Variants in TSHZ3 observed in about 807,000 individuals in gnomAD.
The protein encoded by TSHZ3 is teashirt homolog 3.
A neutral mutation model predicts 64.5 loss-of-function variants in TSHZ3; 10 were observed. That is an observed-to-expected ratio of 0.16 (90% CI 0.10 to 0.26). The LOEUF is 0.26. Ranked by LOEUF, TSHZ3 falls within the 10% of genes least tolerant of loss-of-function variation. TSHZ3 has a pLI of 1.00. For synonymous variants in TSHZ3, 608 were observed against 593.1 expected (o/e 1.03, Z -0.36); for missense variants, 1,242 against 1,421.7 (o/e 0.87, Z 2.03).
At chr19:31,320,347 T>C (rs147297864) in intron 1 of TSHZ3, among the ~76,000 whole-genome samples, 23 of 152,322 alleles carry the variant, frequency 1.5e-4, no homozygotes, top group African/African-American at 5.3e-4. Context: ...TATCTACCCA[T>C]ATAATATCAC....
chr19:31,345,386 G>A (rs972243725), intron 1 of TSHZ3, among the ~76,000 whole-genome samples: 4 of 152,166 alleles, frequency 2.6e-5, no homozygotes, highest in South Asian at 2.1e-4. Context: ...GGAGCTGCCC[G>A]ATGTGTGGAC....
chr19:31,336,805 T>C (rs1917258618), intron 1 of TSHZ3, among the ~76,000 whole-genome samples: 1 of 152,192 alleles, frequency 6.6e-6, no homozygotes, highest in African/African-American at 2.4e-5. Context: ...GTTAGAACTT[T>C]GTGTCAAGCC....
intron 1 of TSHZ3, among the ~76,000 whole-genome samples, chr19:31,335,946 G>A (rs1234650552): frequency 2.5e-4 from 38 of 152,206 alleles, no homozygotes; most frequent in Admixed American, 2.5e-3. Context: ...GAGGGAGTCA[G>A]GGACGGAGTC....
Position 31,277,831 on chromosome 19 carries a change from G to T in TSHZ3, c.1962C>A (p.Ile654=), listed in dbSNP as rs1370806640. 1.3e-6 allele frequency: 2 copies of T among 1,573,566 alleles called. No homozygotes were observed. Among genetic ancestry groups the T allele is most frequent in the Admixed American group, 1.8e-5 (1 of 54,674 alleles). ...CCCCATCGCTGGATGCCTCCATCTT[G>T]ATGGGTTCCCCGACTTCGCTGCTAC... ...SPCSSEVGEP[I]KMEASSDGGF... The change falls in exon 2 of 2, where the codon ATC becomes ATA. Residue 654 remains isoleucine (I), a synonymous_variant. Coordinates refer to ENST00000240587, the MANE Select transcript of TSHZ3 (RefSeq NM_020856.4). The surrounding 1 kb of genome is among the most constrained non-coding windows in gnomAD (Gnocchi z 4.5).
chr19:31,350,014 G>A (rs1339306048), upstream of TSHZ3, among the ~76,000 whole-genome samples: 5 of 130,364 alleles, frequency 3.8e-5, no homozygotes, highest in Non-Finnish European at 8.0e-5. Flanking sequence ...CGCCAGCCCC[G>A]CCGAGCCCGT....
chr19:31,201,150 C>G (rs1429795938), intron 5 of TSHZ3, among the ~76,000 whole-genome samples: 1 of 152,136 alleles, frequency 6.6e-6, no homozygotes, highest in African/African-American at 2.4e-5. Flanking sequence ...CATTTCAAGA[C>G]AGTAGGTAAC....
At chr19:31,194,966 G>A (rs1974963121) in intron 5 of TSHZ3, among the ~76,000 whole-genome samples, 1 of 152,114 alleles carries the variant, frequency 6.6e-6, no homozygotes, top group Non-Finnish European at 1.5e-5. Context: ...TGGGCTTGTA[G>A]TAAATTGGAC....
intron 1 of TSHZ3, among the ~76,000 whole-genome samples, chr19:31,325,164 GA>G (rs1916897670): frequency 6.6e-6 from 1 of 152,178 alleles, no homozygotes; most frequent in South Asian, 2.1e-4. Flanking sequence ...CTCTCTGAGC[GA>G]CCTCAGGTAA....
intron 1 of TSHZ3, among the ~76,000 whole-genome samples, chr19:31,283,058 C>T (rs576087333): frequency 1.7e-4 from 26 of 152,310 alleles, no homozygotes; most frequent in East Asian, 5.8e-4. Context: ...AAGGGCTGGG[C>T]GCAGTGGCTC....
intron 1 of TSHZ3, among the ~76,000 whole-genome samples, chr19:31,346,258 C>T (rs573732780): frequency 6.6e-6 from 1 of 152,130 alleles, no homozygotes; most frequent in East Asian, 1.9e-4. Context: ...TACCCTAGAC[C>T]ATTAAAAGGG....
intron 4 of TSHZ3, among the ~76,000 whole-genome samples, chr19:31,207,267 G>T (rs373481619): frequency 1.3e-5 from 2 of 152,098 alleles, no homozygotes; most frequent in Non-Finnish European, 2.9e-5. Flanking sequence ...GAACATTATA[G>T]CTTGCTTAGC....
chr19:31,258,079 G>A (rs1300814963), intron 1 of TSHZ3, among the ~76,000 whole-genome samples: 1 of 152,166 alleles, frequency 6.6e-6, no homozygotes, highest in East Asian at 1.9e-4. Flanking sequence ...CCCATGAGAA[G>A]ACTCCCGGAA....
intron 4 of TSHZ3, among the ~76,000 whole-genome samples, chr19:31,217,668 A>G (rs1975351415): frequency 6.6e-6 from 1 of 152,104 alleles, no homozygotes; most frequent in African/African-American, 2.4e-5. Flanking sequence ...CCCAGAATCC[A>G]TAGTTTACGT....
At chr19:31,218,898 C>G (rs146130614) in intron 4 of TSHZ3, among the ~76,000 whole-genome samples, 110 of 152,278 alleles carry the variant, frequency 7.2e-4, no homozygotes, top group Admixed American at 1.4e-3. Flanking sequence ...ATTTCACTCC[C>G]CATGGTCTGA....
chr19:31,338,930 C>T (rs1243823846), intron 1 of TSHZ3, among the ~76,000 whole-genome samples: 3 of 151,584 alleles, frequency 2.0e-5, no homozygotes, highest in Non-Finnish European at 4.4e-5. Flanking sequence ...CAAGGCCAAT[C>T]GATAGAAACA....
At chr19:31,311,743 TGA>T (rs1302129138) in intron 1 of TSHZ3, among the ~76,000 whole-genome samples, 3 of 152,246 alleles carry the variant, frequency 2.0e-5, no homozygotes, top group East Asian at 3.9e-4. Flanking sequence ...TGTTTATTTT[TGA>T]GAGAGTCTCT....
intron 1 of TSHZ3, among the ~76,000 whole-genome samples, chr19:31,327,191 C>T (rs1323532191): frequency 1.3e-5 from 2 of 152,166 alleles, no homozygotes; most frequent in African/African-American, 4.8e-5. Context: ...GAATATTCCA[C>T]GGCATTACTG....
At chr19:31,323,497 T>G (rs1166437463) in intron 1 of TSHZ3, among the ~76,000 whole-genome samples, 2 of 152,224 alleles carry the variant, frequency 1.3e-5, no homozygotes, top group African/African-American at 4.8e-5. Context: ...TCAATGCATA[T>G]TTTTCCTTTT....
rs1421902517 is a variant in TSHZ3 at position 31,262,857 on chromosome 19, G to C, written n.64-19982C>G. Among the ~76,000 whole-genome samples the C allele has an allele frequency of 2.6e-5, 4 of 152,208 alleles. No individual in the cohort carries two copies. The East Asian group carries it at 7.7e-4, about 29-fold the overall frequency. On this transcript the variant is annotated intron_variant and non_coding_transcript_variant, in intron 1 of 6. Coordinates refer to the TSHZ3 transcript ENST00000651361. The stretch of plus-strand genomic sequence containing the variant: ...AAAAGGAAATTTAAGCCAAATAAAT[G>C]TTCTGCCCAAATTAAAATACATAAA...
Sources: gnomAD v4.1 joint callset for allele counts (sites outside exome capture counted in the v4.1 genomes callset) on GRCh38, gnomAD v4.1.1 for gene constraint, Gnocchi (gnomAD v3.1) non-coding constraint, MANE v1.5 for transcripts, NCBI Gene and HGNC (gene_info 2026-07-23, HGNC 2026-07-21) for gene names.